The following RYR3 variants were observed in gnomAD, a reference collection of about 807,000 sequenced individuals.
RYR3 encodes ryanodine receptor 3.
RYR3 carries 207 observed loss-of-function variants against 584.3 expected under a neutral mutation model. The observed-to-expected ratio is 0.35, with a 90% CI of 0.32 to 0.40. RYR3 has a LOEUF of 0.40. Ranked by LOEUF, RYR3 falls within the 10% of genes least tolerant of loss-of-function variation. The probability of loss-of-function intolerance (pLI) is 1.00; values close to 1 mark genes in which losing one functional copy is unlikely to be tolerated. For missense variants in RYR3, 5,616 were observed against 6,089.2 expected, an observed-to-expected ratio of 0.92 and a Z score of 2.59; for synonymous variants, 2,416 against 2,248.5, an observed-to-expected ratio of 1.07 and a Z score of -2.11.
chr15:33,728,842 CT>C lies in RYR3; in HGVS notation c.7034-14del. The C allele has an allele frequency of 6.2e-7, 1 of 1,605,114 alleles. No individual in the cohort carries two copies. The highest frequency in any genetic ancestry group is 2.2e-5 in the East Asian group (1 of 44,776). ...GACAGGAAAAGGGAAATTACATTTT[CT>C]ATGTGTCTTTCAGATGGGTCGGTCA... On this transcript the variant is annotated splice_polypyrimidine_tract_variant and intron_variant, in intron 46 of 103. Coordinates refer to ENST00000634891, the MANE Select transcript of RYR3 (RefSeq NM_001036.6).
intron 1 of RYR3, among the ~76,000 whole-genome samples, chr15:33,416,140 T>C (rs1015991732): frequency 1.3e-5 from 2 of 152,224 alleles, no homozygotes; most frequent in African/African-American, 4.8e-5. Flanking sequence ...TCTTTGCTCT[T>C]GTAAATAGTG....
At chr15:33,863,380 T>A (rs145828187) in intron 102 of RYR3, among the ~76,000 whole-genome samples, 4,929 of 152,244 alleles carry the variant, frequency 0.032, 155 homozygotes, top group Non-Finnish European at 0.039. Context: ...CTCTATACAC[T>A]ATACCACCAT....
At position 33,669,345 on chromosome 15, in the gene RYR3, C is replaced by T; in HGVS notation, c.5620-9C>T. On this transcript the variant is annotated splice_polypyrimidine_tract_variant and intron_variant, in intron 36 of 103. Coordinates refer to ENST00000634891, the MANE Select transcript of RYR3 (RefSeq NM_001036.6). ...AACCAACTAGCTATTCTTCTCTTGC[C>T]TCTCAAAGATCAACATGCTGCTTAA... 1 of 1,612,546 alleles carries T rather than the reference C, an allele frequency of 6.2e-7. No individual in the cohort carries two copies. Among genetic ancestry groups the T allele is most frequent in the Non-Finnish European group, 8.5e-7 (1 of 1,178,670 alleles).
At chr15:33,624,702 G>A (rs564814109) in intron 20 of RYR3, among the ~76,000 whole-genome samples, 55 of 152,336 alleles carry the variant, frequency 3.6e-4, no homozygotes, top group African/African-American at 1.2e-3. Context: ...TCCAGGGTCT[G>A]TAATTTGAGA....
chr15:33,465,355 A>G (rs1443245265), intron 1 of RYR3, among the ~76,000 whole-genome samples: 1 of 152,076 alleles, frequency 6.6e-6, no homozygotes, highest in Non-Finnish European at 1.5e-5. Context: ...TAATTTTTTG[A>G]AAACCCACCT....
intron 1 of RYR3, among the ~76,000 whole-genome samples, chr15:33,394,458 A>G (rs1186169301): frequency 6.6e-6 from 1 of 152,192 alleles, no homozygotes; most frequent in East Asian, 1.9e-4. Context: ...TGTGGTTTAG[A>G]TTGGCCCAGA....
chr15:33,669,590 G>A, intron 37 of RYR3, 134 bp downstream of exon 37: 1 of 715,786 alleles, frequency 1.4e-6, no homozygotes, highest in Non-Finnish European at 2.4e-6. Context: ...TTCAAGACGT[G>A]ACTATCCTAG....
chr15:33,630,173 T>A, intron 22 of RYR3, 130 bp downstream of exon 22: 1 of 589,074 alleles, frequency 1.7e-6, no homozygotes, highest in Non-Finnish European at 3.0e-6. Context: ...GAGATGATGA[T>A]GAATCATGTC....
rs1271992049 is a variant in RYR3 at position 33,365,951 on chromosome 15, T to G, written c.51+54855T>G. Among the ~76,000 whole-genome samples the G allele has an allele frequency of 2.0e-5, 3 of 152,360 alleles. No individual in the cohort carries two copies. In the East Asian group the frequency reaches 5.8e-4, roughly 29 times the overall value. ...TTATTAGCTTATTGGACTAGAAGATTAGTGTTTCACATGTATATCACCAGT... is the reference window on the plus strand; with the variant it reads ...TTATTAGCTTATTGGACTAGAAGATGAGTGTTTCACATGTATATCACCAGT... On this transcript the variant is annotated intron_variant, in intron 1 of 103. Transcript: ENST00000634891.
intron 1 of RYR3, among the ~76,000 whole-genome samples, chr15:33,339,278 A>C (rs1971516662): frequency 1.3e-5 from 2 of 152,302 alleles, no homozygotes; most frequent in South Asian, 4.1e-4. Flanking sequence ...GGAAGGGCTG[A>C]TGGGCTCACG....
At chr15:33,789,053 G>C (rs2074924524) in intron 67 of RYR3, among the ~76,000 whole-genome samples, 1 of 152,206 alleles carries the variant, frequency 6.6e-6, no homozygotes, top group Non-Finnish European at 1.5e-5. Flanking sequence ...GAACCAGAAA[G>C]ATCTGGGGCG....
intron 67 of RYR3, among the ~76,000 whole-genome samples, chr15:33,799,660 T>C (rs2075814657): frequency 6.6e-6 from 1 of 152,238 alleles, no homozygotes; most frequent in East Asian, 1.9e-4. Context: ...TGAGCTGCTC[T>C]AGCAAATTAT....
chr15:33,846,727 C>T (rs2078746605), intron 93 of RYR3, among the ~76,000 whole-genome samples: 1 of 152,202 alleles, frequency 6.6e-6, no homozygotes, highest in Admixed American at 6.5e-5. Flanking sequence ...TGGAGCCAAG[C>T]TGCCTGGGTT....
intron 91 of RYR3, 88 bp from the exon 92 acceptor site, chr15:33,843,400 C>T (rs894202028): frequency 1.2e-6 from 1 of 866,220 alleles, no homozygotes; most frequent in African/African-American, 1.7e-5. Flanking sequence ...GTGTGAACTT[C>T]TAACCAGAAC....
intron 16 of RYR3, among the ~76,000 whole-genome samples, chr15:33,586,645 C>T (rs16972835): frequency 3.3e-5 from 5 of 152,096 alleles, no homozygotes; most frequent in African/African-American, 7.2e-5. Context: ...TTTTATACAA[C>T]GCAGCTATAT....
chr15:33,715,281 T>C (rs2067412354), intron 43 of RYR3, among the ~76,000 whole-genome samples: 1 of 152,232 alleles, frequency 6.6e-6, no homozygotes, highest in Non-Finnish European at 1.5e-5. Context: ...TGATTGGTAC[T>C]AGACTAGGCA....
intron 41 of RYR3, 148 bp from the exon 42 acceptor site, chr15:33,700,829 C>A: frequency 5.7e-6 from 3 of 525,302 alleles, no homozygotes; most frequent in South Asian, 6.1e-5. Context: ...TTAATGCAAG[C>A]GGACTGTCCC....
chr15:33,508,250 A>G (rs2052644585), intron 3 of RYR3, among the ~76,000 whole-genome samples: 1 of 152,230 alleles, frequency 6.6e-6, no homozygotes. Context: ...AACTAATTGT[A>G]TAGTTGCCAC....
chr15:33,572,000 A>C (rs545495607), intron 12 of RYR3, among the ~76,000 whole-genome samples: 6 of 152,270 alleles, frequency 3.9e-5, no homozygotes, highest in African/African-American at 1.4e-4. Context: ...TAGGGAACTT[A>C]ATATATATTT....
Sources: gnomAD v4.1 joint callset for allele counts (sites outside exome capture counted in the v4.1 genomes callset) on GRCh38, gnomAD v4.1.1 for gene constraint, MANE v1.5 for transcripts, NCBI Gene and HGNC (gene_info 2026-07-23, HGNC 2026-07-21) for gene names.